OMA1: variants seen among roughly 807,000 people sequenced by gnomAD.
OMA1 encodes OMA1 zinc metallopeptidase, also known as metalloendopeptidase OMA1, mitochondrial.
In OMA1, 38 loss-of-function variants were observed where a neutral mutation model predicts 30.9. The observed-to-expected ratio is 1.23, with a 90% CI of 0.95 to 1.61. OMA1 has a LOEUF of 1.61. OMA1 is among the 40% of genes most tolerant of loss of function. OMA1 has a pLI of 0.00. For missense variants in OMA1, 461 were observed against 349.2 expected (o/e 1.32, Z -2.55); for synonymous variants, 173 against 121.9 (o/e 1.42, Z -2.76).
At position 58,513,003 on chromosome 1, in the gene OMA1, G is replaced by C. The variant is rs750779602; in HGVS notation, c.1216-6794C>G. On this transcript the variant is annotated intron_variant, in intron 7 of 8. Coordinates refer to ENST00000371226, the MANE Select transcript of OMA1 (RefSeq NM_145243.5). The stretch of plus-strand genomic sequence containing the variant: ...GTCTAATTCTTTTGCTTCAAGAAAA[G>C]TATTATAGAAAACTAAGAACTTATT... Among the ~76,000 whole-genome samples the C allele has an allele frequency of 4.3e-4, 66 of 152,252 alleles. 1 individual carries two copies. The highest frequency in any genetic ancestry group is 6.8e-3 in the Middle Eastern group (2 of 294).
chr1:58,523,637 C>T (rs570770609), intron 7 of OMA1, among the ~76,000 whole-genome samples: 2 of 152,208 alleles, frequency 1.3e-5, no homozygotes, highest in Admixed American at 6.5e-5. Flanking sequence ...CAGTGGCTCA[C>T]ACCTGTAATC....
intron 8 of OMA1, among the ~76,000 whole-genome samples, chr1:58,504,175 T>C (rs765171209): frequency 1.3e-5 from 2 of 152,214 alleles, no homozygotes; most frequent in Non-Finnish European, 2.9e-5. Flanking sequence ...GCTTCTCCTA[T>C]CACTTGAAGT....
chr1:58,508,421 G>A (rs567377439), intron 7 of OMA1, among the ~76,000 whole-genome samples: 8 of 152,166 alleles, frequency 5.3e-5, no homozygotes, highest in Non-Finnish European at 1.2e-4. Context: ...TTCCCTTTGT[G>A]AGAAATCCTG....
At chr1:58,531,716 CT>C (rs11303484) in intron 5 of OMA1, among the ~76,000 whole-genome samples, 124,604 of 147,252 alleles carry the variant, frequency 0.85, 52,897 homozygotes, top group East Asian at 1. Context: ...ATGGATTTAT[CT>C]TTTTTTTTTT....
intron 7 of OMA1, 22 bp from the exon 8 acceptor site, chr1:58,506,231 C>A (rs1286460755): frequency 1.2e-6 from 1 of 855,292 alleles, no homozygotes; most frequent in Admixed American, 1.7e-5. Flanking sequence ...ATTAGTAAAA[C>A]CACACAATGA....
At chr1:58,512,434 A>T (rs1322297161) in intron 7 of OMA1, among the ~76,000 whole-genome samples, 1 of 152,230 alleles carries the variant, frequency 6.6e-6, no homozygotes, top group Non-Finnish European at 1.5e-5. Context: ...CAGGATCTCA[A>T]AGGGATTTGC....
At chr1:58,527,402 G>A (rs552183275) in intron 6 of OMA1, 67 bp from the exon 7 acceptor site, 1 of 800,346 alleles carries the variant, frequency 1.2e-6, no homozygotes, top group Non-Finnish European at 2.2e-6. Flanking sequence ...GTAACACAGA[G>A]AGATTTTTAA....
At chr1:58,494,767 C>T (rs1050924243) in intron 8 of OMA1, among the ~76,000 whole-genome samples, 1 of 152,082 alleles carries the variant, frequency 6.6e-6, no homozygotes, top group Admixed American at 6.5e-5. Context: ...AGTCAGGAAA[C>T]TACAGGTGCT....
chr1:58,488,514 C>T (rs547890233), intron 8 of OMA1, among the ~76,000 whole-genome samples: 89 of 152,256 alleles, frequency 5.8e-4, no homozygotes, highest in Non-Finnish European at 9.6e-4. Flanking sequence ...TGCAATGGCG[C>T]GATCTCAGAT....
intron 3 of OMA1, among the ~76,000 whole-genome samples, chr1:58,535,595 CAAAAA>C (rs11315198): frequency 3.1e-5 from 3 of 95,574 alleles, no homozygotes; most frequent in Non-Finnish European, 2.1e-5. Flanking sequence ...GTCTCTGTCT[CAAAAA>C]AAAAAAAAAA....
At chr1:58,490,037 C>G (rs563661437) in intron 8 of OMA1, among the ~76,000 whole-genome samples, 2 of 152,330 alleles carry the variant, frequency 1.3e-5, no homozygotes, top group African/African-American at 4.8e-5. Flanking sequence ...CAGAGTGCCT[C>G]TCCTCCTCCA....
chr1:58,481,101 C>T lies in OMA1; in HGVS notation c.1439G>A (p.Ser480Asn). The T allele has an allele frequency of 1.1e-6, 1 of 871,834 alleles. No homozygotes were observed. Among genetic ancestry groups the T allele is most frequent in the Non-Finnish European group, 2.0e-6 (1 of 501,204 alleles). The allele number at this position is 871,834 out of a possible 1,614,324, so 54.0% of individuals were successfully genotyped here. A position where few individuals can be genotyped will look rare whatever the true frequency, so the allele number is the denominator to read the frequency against. Residue 480 changes from serine to asparagine, a missense_variant, in exon 9 of 9, where the codon AGC (serine) becomes AAC (asparagine). Ser to Asn is a conservative substitution (Grantham distance 46). Coordinates refer to ENST00000371226, the MANE Select transcript of OMA1 (RefSeq NM_145243.5). ...TGATTCTTCAAGAAAATGCTTCGTG[C>T]TGAGTTTGAATAGTAATCGAGGGTC... ...NPDPRLLFKLSTKHFLEESEK... is the reference protein window; with the variant it reads ...NPDPRLLFKLNTKHFLEESEK...
At position 58,510,191 on chromosome 1, in the gene OMA1, G is replaced by A. The variant is rs533299717; in HGVS notation, c.1216-3982C>T. ...CAAAGACACTACAAAAAAAAATTAC[G>A]GGCCAATATCCCTGATGAACATAAA... On this transcript the variant is annotated intron_variant, in intron 7 of 8. Transcript: ENST00000371226. Among the ~76,000 whole-genome samples, 34 of 151,864 alleles carry A rather than the reference G, an allele frequency of 2.2e-4. 1 individual carries two copies. The highest frequency in any genetic ancestry group is 1.3e-3 in the Admixed American group (20 of 15,240).
intron 8 of OMA1, among the ~76,000 whole-genome samples, chr1:58,485,568 T>A (rs1645563209): frequency 6.6e-6 from 1 of 152,174 alleles, no homozygotes; most frequent in South Asian, 2.1e-4. Flanking sequence ...CTTTGCATAG[T>A]AAGATTCTAT....
chr1:58,534,730 T>C (rs987552807), intron 3 of OMA1, among the ~76,000 whole-genome samples: 1 of 152,108 alleles, frequency 6.6e-6, no homozygotes, highest in African/African-American at 2.4e-5. Context: ...AGCTCAGAAG[T>C]TCAAGACCAG....
intron 8 of OMA1, among the ~76,000 whole-genome samples, chr1:58,505,205 G>A (rs1645968703): frequency 6.6e-6 from 1 of 152,146 alleles, no homozygotes; most frequent in Non-Finnish European, 1.5e-5. Flanking sequence ...ACCCACCTCA[G>A]CCTCCCAAAA....
intron 7 of OMA1, among the ~76,000 whole-genome samples, chr1:58,522,846 G>T (rs917255076): frequency 1.6e-4 from 25 of 152,180 alleles, no homozygotes; most frequent in African/African-American, 5.3e-4. Flanking sequence ...AGTGGAAGTG[G>T]ATCATCATAA....
At chr1:58,543,103 T>A (rs1406651018) in intron 1 of OMA1, among the ~76,000 whole-genome samples, 1 of 152,108 alleles carries the variant, frequency 6.6e-6, no homozygotes, top group African/African-American at 2.4e-5. Context: ...CCTCCCTGAT[T>A]CCCATGAAAC....
chr1:58,528,228 A>C (rs1569956558), intron 6 of OMA1, among the ~76,000 whole-genome samples: 1 of 152,334 alleles, frequency 6.6e-6, no homozygotes, highest in South Asian at 2.1e-4. Flanking sequence ...GTCTATTGAT[A>C]ACATAAGGAT....
Sources: allele counts gnomAD v4.1 joint callset (sites outside exome capture counted in the v4.1 genomes callset), GRCh38; gene constraint gnomAD v4.1.1; transcripts MANE v1.5; gene names NCBI Gene and HGNC (gene_info 2026-07-23, HGNC 2026-07-21).